Variants in TMEM147 observed in about 807,000 individuals in gnomAD.
TMEM147 encodes the protein BOS complex subunit TMEM147.
A neutral mutation model predicts 29.4 loss-of-function variants in TMEM147; 29 were observed. The observed-to-expected ratio is 0.99, with a 90% CI of 0.73 to 1.34. TMEM147 has a LOEUF of 1.34. Among genes scored for constraint, TMEM147 ranks in the 40% most tolerant of loss-of-function variants. The pLI, the probability that TMEM147 is intolerant of heterozygous loss-of-function variation, is 0.00. For missense variants in TMEM147, 260 were observed against 289.4 expected (o/e 0.90, Z 0.74); for synonymous variants, 121 against 111.8 (o/e 1.08, Z -0.52).
chr19:35,547,263 C>T (rs750130523), intron 6 of TMEM147, 23 bp downstream of exon 6: 2 of 1,613,168 alleles, frequency 1.2e-6, no homozygotes, highest in Non-Finnish European at 1.7e-6. Context: ...GGGTTTAGGG[C>T]TGGGTCCAAA....
At position 35,545,726 on chromosome 19, in the gene TMEM147, G is replaced by C; in HGVS notation, c.-14G>C. On this transcript the variant is annotated 5_prime_UTR_variant, in exon 1 of 7. Transcript: ENST00000222284. ...TCGCGATCCCCGCGCGGGCGGGACC[G>C]GGCGGCCGGCATCATGACCCTGTTT... 3.7e-6 allele frequency: 6 copies of C among 1,608,376 alleles called. No individual in the cohort carries two copies. The highest frequency in any genetic ancestry group is 5.1e-6 in the Non-Finnish European group (6 of 1,179,458).
In TMEM147 at chr19:35,547,453, G is replaced by A. The variant is rs370355694; in HGVS notation, c.*6G>A. On this transcript the variant is annotated 3_prime_UTR_variant, in exon 7 of 7. Transcript: ENST00000222284. Reference sequence around the variant, plus strand: ...TTGTCAATGTGCACTCCTAGGCTTGGTGTCTCAGACATTGATGTACCTTTT... The same window carrying A: ...TTGTCAATGTGCACTCCTAGGCTTGATGTCTCAGACATTGATGTACCTTTT... 4.3e-6 allele frequency: 7 copies of A among 1,612,336 alleles called. No homozygotes were observed. In the African/African-American group the frequency reaches 9.3e-5, roughly 22 times the overall value.
intron 2 of TMEM147, 111 bp from the exon 3 acceptor site, chr19:35,546,414 GC>G: frequency 4.8e-6 from 6 of 1,253,590 alleles, no homozygotes; most frequent in Non-Finnish European, 5.5e-6. Context: ...TTCCAGATGG[GC>G]CCCCAGAACC....
chr19:35,546,415 C>A, intron 2 of TMEM147, 111 bp from the exon 3 acceptor site: 1 of 1,263,612 alleles, frequency 7.9e-7, no homozygotes, highest in Non-Finnish European at 1.1e-6. Flanking sequence ...TCCAGATGGG[C>A]CCCCAGAACC....
intron 2 of TMEM147, chr19:35,546,169 TA>T (rs2071554466): frequency 1.6e-6 from 1 of 638,234 alleles, no homozygotes; most frequent in African/African-American, 1.8e-5. Context: ...TAGCACTTAG[TA>T]AAACTGAGAA....
chr19:35,546,448 C>A (rs1230935908), intron 2 of TMEM147, 78 bp from the exon 3 acceptor site: 7 of 1,525,088 alleles, frequency 4.6e-6, no homozygotes, highest in Non-Finnish European at 6.2e-6. Flanking sequence ...TTCCTACCCA[C>A]GAACTTCCCA....
At chr19:35,546,334 C>G (rs1396956352) in intron 2 of TMEM147, 192 bp from the exon 3 acceptor site, 2 of 669,504 alleles carry the variant, frequency 3.0e-6, no homozygotes, top group East Asian at 5.5e-5. Context: ...TTCCAGCCCC[C>G]TCGGGGACCC....
At chr19:35,546,020 C>G (rs2071552283) in intron 2 of TMEM147, 63 bp downstream of exon 2, 1 of 1,553,500 alleles carries the variant, frequency 6.4e-7, no homozygotes, top group South Asian at 1.2e-5. Context: ...GGGACCCGCC[C>G]CCGTTGCCTA....
At position 35,546,754 on chromosome 19, in the gene TMEM147, A is replaced by G. The variant is rs1377624539; in HGVS notation, c.290A>G (p.Tyr97Cys). ...TCCCGGAATGCCGGCAAGGGAGAGT[A>G]CAAGATCATGGTTGCTGCCCTGGGC... ...VMSRNAGKGEYKIMVAALGWA... is the reference protein window; with the variant it reads ...VMSRNAGKGECKIMVAALGWA... The change falls in exon 4 of 7, where the codon TAC becomes TGC. Residue 97 changes from tyrosine to cysteine, a missense_variant. Coordinates refer to ENST00000222284, the MANE Select transcript of TMEM147 (RefSeq NM_032635.4). 1.2e-6 allele frequency: 2 copies of G among 1,614,096 alleles called. No homozygotes were observed. Among genetic ancestry groups the G allele is most frequent in the Admixed American group, 3.3e-5 (2 of 60,010 alleles).
intron 1 of TMEM147, 24 bp downstream of exon 1, chr19:35,545,840 C>T: frequency 6.2e-7 from 1 of 1,613,726 alleles, no homozygotes; most frequent in Non-Finnish European, 8.5e-7. Context: ...GGGCGCGGGG[C>T]GGAGAGGGCG....
chr19:35,546,668 G>A lies in TMEM147; in HGVS notation c.208-4G>A, dbSNP rs780683314. On this transcript the variant is annotated splice_polypyrimidine_tract_variant and splice_region_variant and intron_variant, in intron 3 of 6. Transcript: ENST00000222284. ...GCTTACTTAAGCCTCAACCTGACCC[G>A]CAGGAGTTCATGAAGGCCAGCGTGG... The A allele has an allele frequency of 5.6e-6, 9 of 1,612,360 alleles. No homozygotes were observed. Among genetic ancestry groups the A allele is most frequent in the Non-Finnish European group, 7.6e-6 (9 of 1,178,750 alleles).
Position 35,546,506 on chromosome 19 carries a change from T to C in TMEM147, c.148-20T>C. 6.2e-7 allele frequency: 1 copy of C among 1,606,458 alleles called. No individual in the cohort carries two copies. On this transcript the variant is annotated intron_variant, in intron 2 of 6. Transcript: ENST00000222284. ...GATCCCCTCACCTTGAAGTGACCTC[T>C]TTCTGCTTTCTGTTCTCAGATGCTG... is the stretch of plus-strand genomic sequence containing the variant.
chr19:35,546,008 C>G, intron 2 of TMEM147, 51 bp downstream of exon 2: 2 of 1,579,420 alleles, frequency 1.3e-6, no homozygotes, highest in South Asian at 2.3e-5. Flanking sequence ...TCTGCAGACC[C>G]AGGGACCCGC....
Position 35,547,002 on chromosome 19 carries a change from G to T in TMEM147, c.402G>T (p.Gln134His), listed in dbSNP as rs1467496403. The T allele has an allele frequency of 6.2e-7, 1 of 1,614,234 alleles. No individual in the cohort carries two copies. Among genetic ancestry groups the T allele is most frequent in the Admixed American group, 1.7e-5 (1 of 60,028 alleles). The change falls in exon 5 of 7, where the codon CAG becomes CAT. Residue 134 changes from glutamine (Q) to histidine (H), a missense_variant. Gln to His is a conservative substitution (Grantham distance 24). Coordinates refer to ENST00000222284, the MANE Select transcript of TMEM147 (RefSeq NM_032635.4). ...RGIEFDWKYI[Q>H]MSIDSNISLV... ...TTGAGTTTGACTGGAAGTACATCCAGATGAGCATAGACTCCAACATCAGTC... is the reference window on the plus strand; with the variant it reads ...TTGAGTTTGACTGGAAGTACATCCATATGAGCATAGACTCCAACATCAGTC...
intron 2 of TMEM147, 144 bp downstream of exon 2, chr19:35,546,101 A>C: frequency 1.1e-6 from 1 of 934,170 alleles, no homozygotes; most frequent in Non-Finnish European, 1.6e-6. Context: ...GGATACCTAG[A>C]GAGGATGGAC....
At chr19:35,546,075 G>A in intron 2 of TMEM147, 118 bp downstream of exon 2, 8 of 1,120,800 alleles carry the variant, frequency 7.1e-6, no homozygotes, top group Non-Finnish European at 1.0e-5. Flanking sequence ...TCGGGACTCC[G>A]CACTGGGAGG....
At chr19:35,546,081 G>A (rs971196678) in intron 2 of TMEM147, 124 bp downstream of exon 2, 33 of 1,062,598 alleles carry the variant, frequency 3.1e-5, no homozygotes, top group Non-Finnish European at 4.3e-5. Flanking sequence ...CTCCGCACTG[G>A]GAGGCGTCAG....
rs1044255 is a variant in TMEM147 at position 35,547,364 on chromosome 19, C to T, written c.592C>T (p.Leu198=). 6.2e-7 allele frequency: 1 copy of T among 1,614,036 alleles called. No individual in the cohort carries two copies. Among genetic ancestry groups the T allele is most frequent in the South Asian group, 1.1e-5 (1 of 91,090 alleles). Residue 198 remains leucine, a synonymous_variant, in exon 7 of 7, where the codon CTA becomes TTA. Coordinates refer to ENST00000222284, the MANE Select transcript of TMEM147 (RefSeq NM_032635.4). ...HLCSLGSWAA[L]LARAVVTGLL... ...CTGCTCGCTGGGCAGTTGGGCAGCT[C>T]TACTGGCCCGAGCAGTGGTAACGGG... is the stretch of plus-strand genomic sequence containing the variant.
rs141810425 is a variant in TMEM147 at position 35,547,136 on chromosome 19, G to C, written c.447G>C (p.Ala149=). 1.8e-5 allele frequency: 29 copies of C among 1,614,032 alleles called. No homozygotes were observed. The highest frequency in any genetic ancestry group is 2.5e-5 in the Non-Finnish European group (29 of 1,180,054). Residue 149 remains alanine (A), a synonymous_variant, in exon 6 of 7, where the codon GCG becomes GCC. Coordinates refer to ENST00000222284, the MANE Select transcript of TMEM147 (RefSeq NM_032635.4). ...SNISLVHYIV[A]SAQVWMITRY... is the part of the protein sequence containing the mutation. ...CCCTCTAGGTCCATTACATCGTCGC[G>C]TCTGCTCAGGTCTGGATGATAACAC...
Sources: allele counts gnomAD v4.1 joint callset, GRCh38; gene constraint gnomAD v4.1.1; transcripts MANE v1.5; gene names NCBI Gene and HGNC (gene_info 2026-07-23, HGNC 2026-07-21).